Variants in GTSE1 observed in about 807,000 individuals in gnomAD.
The protein encoded by GTSE1 is G2 and S-phase expressed 1, also known as G2 and S phase-expressed protein 1.
In GTSE1, 52 loss-of-function variants were observed where a neutral mutation model predicts 60.5. The ratio of observed to expected loss-of-function variants is 0.86; its 90% CI spans 0.69 to 1.08. The LOEUF (loss-of-function observed/expected upper bound fraction) is 1.08, where lower values mean the gene tolerates loss of function less well. GTSE1 is among the 50% of genes least tolerant of loss of function. The probability of loss-of-function intolerance (pLI) is 0.00; values close to 1 mark genes in which losing one functional copy is unlikely to be tolerated. For missense variants in GTSE1, 937 were observed against 961.8 expected (o/e 0.97, Z 0.34); for synonymous variants, 368 against 386.5 (o/e 0.95, Z 0.56).
Position 46,319,335 on chromosome 22 carries a change from G to GGT in GTSE1, c.1432+2925_1432+2926dup, listed in dbSNP as rs2077799105. Among the ~76,000 whole-genome samples, 1 of 152,116 alleles carries GGT rather than the reference G, an allele frequency of 6.6e-6. No homozygotes were observed. The highest frequency in any genetic ancestry group is 2.1e-4 in the South Asian group (1 of 4,824). On this transcript the variant is annotated intron_variant, in intron 7 of 11. Coordinates refer to ENST00000454366, the MANE Select transcript of GTSE1 (RefSeq NM_016426.7). The surrounding 1 kb of genome is among the most constrained non-coding windows in gnomAD (Gnocchi z 5.0). The stretch of plus-strand genomic sequence containing the variant: ...GAGCAGAGTCTCTGGGCCGAAGAGT[G>GGT]GTGGGGAGGGTAATGCGGACCTGGC...
chr22:46,302,193 G>A (rs1019765054), intron 2 of GTSE1, among the ~76,000 whole-genome samples: 3 of 152,092 alleles, frequency 2.0e-5, no homozygotes, highest in Non-Finnish European at 4.4e-5. Context: ...TTATCTGTTT[G>A]TATCCTTTTT....
intron 2 of GTSE1, among the ~76,000 whole-genome samples, chr22:46,306,960 A>G (rs1294465552): frequency 6.6e-6 from 1 of 152,200 alleles, no homozygotes; most frequent in Non-Finnish European, 1.5e-5. Flanking sequence ...GGAGGAGCTT[A>G]TAGTCTAGTT....
chr22:46,300,834 C>T (rs554644553), intron 2 of GTSE1, among the ~76,000 whole-genome samples: 1 of 152,318 alleles, frequency 6.6e-6, no homozygotes, highest in South Asian at 2.1e-4. Flanking sequence ...AATTGACTTC[C>T]TAATTTAGAG....
At chr22:46,302,463 C>G (rs1453998123) in intron 2 of GTSE1, among the ~76,000 whole-genome samples, 1 of 151,974 alleles carries the variant, frequency 6.6e-6, no homozygotes, top group African/African-American at 2.4e-5. Context: ...CAGCTTTGAC[C>G]TCCCAGGCTC....
At position 46,324,249 on chromosome 22, in the gene GTSE1, T is replaced by C. The variant is rs1157945516; in HGVS notation, c.1505+987T>C. 6.6e-6 allele frequency among the ~76,000 whole-genome samples: 1 copy of C among 152,186 alleles called. No individual in the cohort carries two copies. Among genetic ancestry groups the C allele is most frequent in the East Asian group, 1.9e-4 (1 of 5,198 alleles). ...AAGCTGCCGTCCCTCCCATGCATGG[T>C]GGTGAAGAGCAAAGACCAGAGCCAG... On this transcript the variant is annotated intron_variant, in intron 8 of 11. Transcript: ENST00000454366. The surrounding 1 kb of genome is among the most constrained non-coding windows in gnomAD (Gnocchi z 5.2).
Position 46,297,610 on chromosome 22 carries a change from A to G in GTSE1, c.79+131A>G. ...ACTCTGCACCTGTGAAACACATGAC[A>G]TCTGCCTTCGTTTTCTGGTTTTCTT... On this transcript the variant is annotated intron_variant, in intron 2 of 11. Transcript: ENST00000454366. This position sits in a 1 kb window ranked among gnomAD's most constrained non-coding sequence, Gnocchi z 4.9. The G allele has an allele frequency of 1.5e-6, 1 of 652,800 alleles. No individual in the cohort carries two copies. The allele number at this position is 652,800 out of a possible 1,614,324, so 40.4% of individuals were successfully genotyped here.
chr22:46,304,804 T>A lies in GTSE1; in HGVS notation c.80-3346T>A, dbSNP rs148111050. On this transcript the variant is annotated intron_variant, in intron 2 of 11. Coordinates refer to ENST00000454366, the MANE Select transcript of GTSE1 (RefSeq NM_016426.7). This position sits in a 1 kb window ranked among gnomAD's most constrained non-coding sequence, Gnocchi z 4.4. Reference sequence around the variant, plus strand: ...GACCAGCCTGGGCAACATGAGGAGATCCCATCTCTACAAAAAATACAAATA... The same window carrying A: ...GACCAGCCTGGGCAACATGAGGAGAACCCATCTCTACAAAAAATACAAATA... Among the ~76,000 whole-genome samples the A allele has an allele frequency of 2.0e-5, 3 of 152,048 alleles. No homozygotes were observed. The East Asian group carries it at 5.8e-4, about 29-fold the overall frequency.
chr22:46,326,616 G>A lies in GTSE1; in HGVS notation c.1686G>A (p.Arg562=), dbSNP rs1270939195. The change falls in exon 9 of 12, where the codon CGG becomes CGA. Residue 562 remains arginine (R), a synonymous_variant. Transcript: ENST00000454366. ...GCTCTCCCCTGTGTGTGCCAGCTCG[G>A]AGACGTTCCTCTGAGCCCCGCAAGA... ...AVGSPLCVPA[R]RRSSEPRKNS... 2 of 1,613,266 alleles carry A rather than the reference G, an allele frequency of 1.2e-6. No individual in the cohort carries two copies. Among genetic ancestry groups the A allele is most frequent in the East Asian group, 4.5e-5 (2 of 44,864 alleles).
At chr22:46,308,259 A>G (rs749824981) in intron 3 of GTSE1, 52 bp downstream of exon 3, 6 of 1,605,214 alleles carry the variant, frequency 3.7e-6, no homozygotes, top group Non-Finnish European at 5.1e-6. Context: ...CATTCAGTAA[A>G]GTCTTTCCTT....
At position 46,329,291 on chromosome 22, in the gene GTSE1, C is replaced by A; in HGVS notation, c.1927-67C>A. ...GCCCACCTGGAACATGAGCAAAGCT[C>A]ACATTCTCCCAAGATGGTTGCCAGA... On this transcript the variant is annotated intron_variant, in intron 10 of 11. Coordinates refer to ENST00000454366, the MANE Select transcript of GTSE1 (RefSeq NM_016426.7). The surrounding 1 kb of genome is among the most constrained non-coding windows in gnomAD (Gnocchi z 6.4). 7.7e-7 allele frequency: 1 copy of A among 1,295,244 alleles called. No homozygotes were observed. Among genetic ancestry groups the A allele is most frequent in the South Asian group, 1.2e-5 (1 of 84,584 alleles). The allele number at this position is 1,295,244 out of a possible 1,614,324, so 80.2% of individuals were successfully genotyped here.
At chr22:46,307,205 C>T (rs2077720213) in intron 2 of GTSE1, among the ~76,000 whole-genome samples, 1 of 152,174 alleles carries the variant, frequency 6.6e-6, no homozygotes. Context: ...TCTGAGGATT[C>T]AGGAAGGACT....
At position 46,316,398 on chromosome 22, in the gene GTSE1, C is replaced by T. The variant is rs775422568; in HGVS notation, c.1418C>T (p.Pro473Leu). Residue 473 changes from proline to leucine, a missense_variant, in exon 7 of 12, where the codon CCT becomes CTT. Transcript: ENST00000454366. This position sits in a 1 kb window ranked among gnomAD's most constrained non-coding sequence, Gnocchi z 5.0. ...ACTCCTACAAATCAATTTAAAATTC[C>T]TAAGTTTTCTATTGGTGAGTAATAG... ...MPTPTNQFKIPKFSIGDSPDS... is the reference protein window; with the variant it reads ...MPTPTNQFKILKFSIGDSPDS... The T allele has an allele frequency of 1.6e-5, 25 of 1,565,592 alleles. No homozygotes were observed. The Admixed American group carries it at 4.2e-4, about 27-fold the overall frequency.
Position 46,297,249 on chromosome 22 carries a change from C to T in GTSE1, c.-21-131C>T, listed in dbSNP as rs1198991329. 5 of 648,866 alleles carry T rather than the reference C, an allele frequency of 7.7e-6. No individual in the cohort carries two copies. The highest frequency in any genetic ancestry group is 2.5e-5 in the Admixed American group (1 of 39,774). The allele number at this position is 648,866 out of a possible 1,614,324, so 40.2% of individuals were successfully genotyped here. Reference sequence around the variant, plus strand: ...CTGGGATGCGATCATTTCAGAGCGGCCCCCGCGCCGCCTCTCCCAGACCTG... The same window carrying T: ...CTGGGATGCGATCATTTCAGAGCGGTCCCCGCGCCGCCTCTCCCAGACCTG... On this transcript the variant is annotated intron_variant, in intron 1 of 11. Transcript: ENST00000454366. This position sits in a 1 kb window ranked among gnomAD's most constrained non-coding sequence, Gnocchi z 4.9.
chr22:46,308,592 C>A lies in GTSE1; in HGVS notation c.411C>A (p.Phe137Leu). 6.2e-7 allele frequency: 1 copy of A among 1,614,144 alleles called. No homozygotes were observed. Among genetic ancestry groups the A allele is most frequent in the Non-Finnish European group, 8.5e-7 (1 of 1,180,002 alleles). The change falls in exon 4 of 12, where the codon TTC (phenylalanine) becomes TTA (leucine). Residue 137 changes from phenylalanine (F) to leucine (L), a missense_variant. By Grantham distance (22) the Phe-to-Leu change is conservative. Transcript: ENST00000454366. ...CTCGGAGCCAGGGCGTGGAAAGATT[C>A]ATACAGGAGTCAAAATTAAAAATAA... ...EDPRSQGVERFIQESKLKINL... is the reference protein window; with the variant it reads ...EDPRSQGVERLIQESKLKINL...
At position 46,320,230 on chromosome 22, in the gene GTSE1, C is replaced by G. The variant is rs963402301; in HGVS notation, c.1433-2960C>G. The stretch of plus-strand genomic sequence containing the variant: ...ACAGGACTTCTGCTAATCCCAAATC[C>G]CTGTTGGCTTTGCCCTGTTTCCCAG... On this transcript the variant is annotated intron_variant, in intron 7 of 11. Transcript: ENST00000454366. This position sits in a 1 kb window ranked among gnomAD's most constrained non-coding sequence, Gnocchi z 7.1. Among the ~76,000 whole-genome samples the G allele has an allele frequency of 2.0e-5, 3 of 152,162 alleles. No homozygotes were observed. Among genetic ancestry groups the G allele is most frequent in the Non-Finnish European group, 4.4e-5 (3 of 68,032 alleles).
At chr22:46,300,780 G>A (rs552927848) in intron 2 of GTSE1, among the ~76,000 whole-genome samples, 1 of 152,254 alleles carries the variant, frequency 6.6e-6, no homozygotes, top group African/African-American at 2.4e-5. Context: ...CCTGAGTTCT[G>A]GTCCTGGATT....
Position 46,309,085 on chromosome 22 carries a change from G to A in GTSE1, c.762+142G>A, listed in dbSNP as rs2077734290. On this transcript the variant is annotated intron_variant, in intron 4 of 11. Coordinates refer to ENST00000454366, the MANE Select transcript of GTSE1 (RefSeq NM_016426.7). This position sits in a 1 kb window ranked among gnomAD's most constrained non-coding sequence, Gnocchi z 6.2. The stretch of plus-strand genomic sequence containing the variant: ...CACAGGAATGCGGAGTCCAGGAAAA[G>A]CAGTTGCCAATAGGGAGCTGATGTG... 2 of 950,606 alleles carry A rather than the reference G, an allele frequency of 2.1e-6. No individual in the cohort carries two copies. Among genetic ancestry groups the A allele is most frequent in the East Asian group, 5.3e-5 (2 of 37,470 alleles). 58.9% of individuals were successfully genotyped at this position (950,606 alleles called of 1,614,324 possible).
rs946145989 is a variant in GTSE1, at chr22:46,309,420, G to C, written c.762+477G>C. 7.9e-5 allele frequency among the ~76,000 whole-genome samples: 12 copies of C among 152,050 alleles called. No homozygotes were observed. Among genetic ancestry groups the C allele is most frequent in the Admixed American group, 3.3e-4 (5 of 15,266 alleles). ...GGGACACTGAGGGTCCTGGAGGTCT[G>C]GGGGAAAGCTGGGTGTGAGCACAGG... On this transcript the variant is annotated intron_variant, in intron 4 of 11. Coordinates refer to ENST00000454366, the MANE Select transcript of GTSE1 (RefSeq NM_016426.7). This position sits in a 1 kb window ranked among gnomAD's most constrained non-coding sequence, Gnocchi z 6.2.
chr22:46,312,543 G>A (rs1179936044), intron 5 of GTSE1, among the ~76,000 whole-genome samples: 1 of 151,772 alleles, frequency 6.6e-6, no homozygotes, highest in African/African-American at 2.4e-5. Context: ...GGAGGCTGAG[G>A]TGGGATGATT....
Sources: gnomAD v4.1 joint callset for allele counts (sites outside exome capture counted in the v4.1 genomes callset) on GRCh38, gnomAD v4.1.1 for gene constraint, Gnocchi (gnomAD v3.1) non-coding constraint, MANE v1.5 for transcripts, NCBI Gene and HGNC (gene_info 2026-07-23, HGNC 2026-07-21) for gene names.